CUX2: variants seen among roughly 807,000 people sequenced by gnomAD.
CUX2 encodes homeobox protein cut-like 2.
Under a neutral mutation model 144.8 loss-of-function variants are expected in CUX2, and 40 were observed. That is an observed-to-expected ratio of 0.28 (90% CI 0.21 to 0.36). The LOEUF (loss-of-function observed/expected upper bound fraction) is 0.36. CUX2 is among the 10% of genes least tolerant of loss of function. CUX2 has a pLI of 1.00. For missense variants in CUX2, 1,615 were observed against 1,994.0 expected (o/e 0.81, Z 3.62); for synonymous variants, 827 against 875.6 (o/e 0.94, Z 0.98).
chr12:111,307,731 T>G lies in CUX2; in HGVS notation c.1109+474T>G, dbSNP rs1886661835. 6.6e-6 allele frequency among the ~76,000 whole-genome samples: 1 copy of G among 151,712 alleles called. No homozygotes were observed. ...ACGAAATTCAACCATCTTCAGTCCTTTTCCATTAAGAGCTGCCTGTACGGG... is the reference window on the plus strand; with the variant it reads ...ACGAAATTCAACCATCTTCAGTCCTGTTCCATTAAGAGCTGCCTGTACGGG... On this transcript the variant is annotated intron_variant, in intron 12 of 21. Transcript: ENST00000261726. The surrounding 1 kb of genome is among the most constrained non-coding windows in gnomAD (Gnocchi z 4.1).
At chr12:111,182,549 C>T (rs1291778975) in intron 1 of CUX2, among the ~76,000 whole-genome samples, 9 of 152,324 alleles carry the variant, frequency 5.9e-5, no homozygotes, top group East Asian at 5.8e-4. Flanking sequence ...CAATTCATTA[C>T]GCAGTTGGAT....
At chr12:111,053,015 AGGTGCAG>A (rs1412293962) in intron 1 of CUX2, among the ~76,000 whole-genome samples, 1 of 151,606 alleles carries the variant, frequency 6.6e-6, no homozygotes, top group East Asian at 1.9e-4. Context: ...ACGGGTAGCT[AGGTGCAG>A]GGGCAAAGCA....
chr12:111,251,275 G>T (rs1395917217), intron 3 of CUX2, among the ~76,000 whole-genome samples: 1 of 152,176 alleles, frequency 6.6e-6, no homozygotes, highest in Non-Finnish European at 1.5e-5. Context: ...CAATTTAAAT[G>T]CAGTCTTACG....
intron 1 of CUX2, among the ~76,000 whole-genome samples, chr12:111,064,116 G>A (rs564508876): frequency 2.0e-5 from 3 of 152,312 alleles, no homozygotes; most frequent in South Asian, 4.1e-4. Context: ...TTTCTTGTGC[G>A]TGTGCAAATG....
chr12:111,331,670 C>T (rs1448913247), intron 18 of CUX2, among the ~76,000 whole-genome samples: 1 of 152,052 alleles, frequency 6.6e-6, no homozygotes, highest in Non-Finnish European at 1.5e-5. Context: ...TCTTATGGCC[C>T]CATTTAACAG....
intron 1 of CUX2, among the ~76,000 whole-genome samples, chr12:111,211,686 C>A (rs1881237603): frequency 6.6e-6 from 1 of 152,082 alleles, no homozygotes; most frequent in Non-Finnish European, 1.5e-5. Flanking sequence ...GAGATCGAGA[C>A]TATCCTGGCT....
intron 3 of CUX2, among the ~76,000 whole-genome samples, chr12:111,258,180 A>T (rs1334316801): frequency 6.6e-6 from 1 of 152,176 alleles, no homozygotes; most frequent in South Asian, 2.1e-4. Flanking sequence ...AGAGATGCTC[A>T]TAGTGACATT....
At chr12:111,275,796 C>A (rs994382038) in intron 4 of CUX2, among the ~76,000 whole-genome samples, 1 of 152,190 alleles carries the variant, frequency 6.6e-6, no homozygotes, top group East Asian at 1.9e-4. Context: ...AAGCCTCAGC[C>A]AGGTACTGGA....
At chr12:111,346,976 C>G (rs1256800362) in intron 21 of CUX2, among the ~76,000 whole-genome samples, 1 of 152,174 alleles carries the variant, frequency 6.6e-6, no homozygotes, top group Non-Finnish European at 1.5e-5. Flanking sequence ...CGCACCACTG[C>G]ACTGCAGCCT....
chr12:111,218,337 G>A (rs879439198), intron 3 of CUX2, among the ~76,000 whole-genome samples: 1 of 151,940 alleles, frequency 6.6e-6, no homozygotes, highest in Admixed American at 6.6e-5. Context: ...AGCATAGCAA[G>A]ACCCCCATCT....
intron 6 of CUX2, among the ~76,000 whole-genome samples, chr12:111,294,853 G>C (rs1230951593): frequency 6.6e-6 from 1 of 151,928 alleles, no homozygotes; most frequent in African/African-American, 2.4e-5. Context: ...AGCCGAGTTC[G>C]GGTCACTGCA....
At position 111,320,433 on chromosome 12, in the gene CUX2, C is replaced by G; in HGVS notation, c.2424C>G (p.Ser808=). 1.3e-6 allele frequency: 2 copies of G among 1,548,750 alleles called. No individual in the cohort carries two copies. The highest frequency in any genetic ancestry group is 1.8e-6 in the Non-Finnish European group (2 of 1,137,720). ...RPYASVSPSL[S]SSSSSGYSGQ... is the part of the protein sequence containing the mutation. ...ACGCCTCCGTGTCGCCCTCGCTGTC[C>G]TCCTCCTCCTCCTCTGGCTACTCTG... The change falls in exon 17 of 22, where the codon TCC becomes TCG. Residue 808 remains serine, a synonymous_variant. Transcript: ENST00000261726. The surrounding 1 kb of genome is among the most constrained non-coding windows in gnomAD (Gnocchi z 8.1).
intron 1 of CUX2, among the ~76,000 whole-genome samples, chr12:111,098,275 C>G (rs1258723408): frequency 2.6e-5 from 4 of 152,158 alleles, no homozygotes; most frequent in Non-Finnish European, 2.9e-5. Flanking sequence ...TGGTGCCTGC[C>G]TGTAATCCCA....
intron 9 of CUX2, among the ~76,000 whole-genome samples, chr12:111,303,255 T>G (rs376482949): frequency 7.6e-6 from 1 of 132,004 alleles, no homozygotes; most frequent in South Asian, 2.5e-4. Context: ...AAATCGACCA[T>G]AGACCCAGTT....
intron 18 of CUX2, among the ~76,000 whole-genome samples, chr12:111,325,365 G>A (rs1019462440): frequency 1.3e-5 from 2 of 151,994 alleles, no homozygotes; most frequent in Non-Finnish European, 2.9e-5. Flanking sequence ...GCACCAAGTG[G>A]TCAAAGTGCT....
Position 111,186,982 on chromosome 12 carries a change from T to C in CUX2, c.64-27218T>C, listed in dbSNP as rs1302836503. 2.0e-5 allele frequency among the ~76,000 whole-genome samples: 3 copies of C among 152,148 alleles called. No homozygotes were observed. Among genetic ancestry groups the C allele is most frequent in the African/African-American group, 7.2e-5 (3 of 41,440 alleles). ...TTGGTAGAGATGGGGTTTTGCCATG[T>C]TGGCGAGGCTGGCTTCAAACTCCTG... On this transcript the variant is annotated intron_variant, in intron 1 of 21. Coordinates refer to ENST00000261726, the MANE Select transcript of CUX2 (RefSeq NM_015267.4). This position sits in a 1 kb window ranked among gnomAD's most constrained non-coding sequence, Gnocchi z 4.4.
At chr12:111,063,821 G>A (rs1193507744) in intron 1 of CUX2, among the ~76,000 whole-genome samples, 4 of 152,340 alleles carry the variant, frequency 2.6e-5, no homozygotes, top group Middle Eastern at 3.4e-3. Flanking sequence ...CGGAGGCAAT[G>A]GGGTTTAATA....
intron 1 of CUX2, among the ~76,000 whole-genome samples, chr12:111,040,858 CTTTA>C (rs1328106469): frequency 1.3e-5 from 2 of 152,188 alleles, no homozygotes; most frequent in African/African-American, 4.8e-5. Context: ...TCCAATAAAA[CTTTA>C]TTTATACAAA....
chr12:111,103,210 A>G (rs1873367156), intron 1 of CUX2, among the ~76,000 whole-genome samples: 1 of 152,132 alleles, frequency 6.6e-6, no homozygotes, highest in African/African-American at 2.4e-5. Context: ...GGATGGGTGG[A>G]CAAGCGGTGC....
Sources: gnomAD v4.1 joint callset for allele counts (sites outside exome capture counted in the v4.1 genomes callset) on GRCh38, gnomAD v4.1.1 for gene constraint, Gnocchi (gnomAD v3.1) non-coding constraint, MANE v1.5 for transcripts, NCBI Gene and HGNC (gene_info 2026-07-23, HGNC 2026-07-21) for gene names.